MYO3B: variants seen among roughly 807,000 people sequenced by gnomAD.
The protein encoded by MYO3B is myosin-IIIb.
A neutral mutation model predicts 174.6 loss-of-function variants in MYO3B; 156 were observed. That is an observed-to-expected ratio of 0.89 (90% CI 0.78 to 1.02). MYO3B has a LOEUF of 1.02. Among genes scored for constraint, MYO3B ranks in the 50% least tolerant of loss-of-function variants. MYO3B has a pLI of 0.00. For missense variants in MYO3B, 1,632 were observed against 1,639.4 expected (o/e 1.00, Z 0.08); for synonymous variants, 563 against 569.1 (o/e 0.99, Z 0.15).
chr2:170,437,756 T>G (rs1448238872), intron 22 of MYO3B, among the ~76,000 whole-genome samples: 1 of 152,138 alleles, frequency 6.6e-6, no homozygotes, highest in Non-Finnish European at 1.5e-5. Context: ...ATATTTTTCC[T>G]CCCCTGAAGG....
intron 25 of MYO3B, among the ~76,000 whole-genome samples, chr2:170,485,690 T>G (rs1328003300): frequency 1.3e-5 from 2 of 152,174 alleles, no homozygotes; most frequent in African/African-American, 4.8e-5. Flanking sequence ...TCCTAAATAT[T>G]AAACATGTGT....
At chr2:170,627,536 C>T (rs1294490214) in intron 32 of MYO3B, among the ~76,000 whole-genome samples, 2 of 152,182 alleles carry the variant, frequency 1.3e-5, no homozygotes, top group South Asian at 2.1e-4. Context: ...CATCTGAAGC[C>T]TTCTTCTCTC....
chr2:170,460,185 A>G (rs13002364), intron 23 of MYO3B, among the ~76,000 whole-genome samples: 11,967 of 152,018 alleles, frequency 0.079, 565 homozygotes, highest in Non-Finnish European at 0.1. Context: ...GCATGTTGTC[A>G]CCTCTCAATA....
intron 22 of MYO3B, among the ~76,000 whole-genome samples, chr2:170,423,584 G>GTTT (rs2094635962): frequency 1.3e-5 from 1 of 79,748 alleles, no homozygotes; most frequent in African/African-American, 4.1e-5. Flanking sequence ...TTCAGCAAAA[G>GTTT]CTTTTTTTTT....
chr2:170,505,019 A>C (rs1349231578), intron 28 of MYO3B, among the ~76,000 whole-genome samples: 2 of 152,164 alleles, frequency 1.3e-5, no homozygotes, highest in Non-Finnish European at 2.9e-5. Context: ...TTTCAAATAC[A>C]TGAGCTGGTG....
chr2:170,200,473 T>G (rs979213330), intron 3 of MYO3B, among the ~76,000 whole-genome samples, 189 bp downstream of exon 3: 2 of 152,314 alleles, frequency 1.3e-5, no homozygotes, highest in Admixed American at 6.5e-5. Context: ...CTAAAAATAT[T>G]TTTGTTTCTC....
intron 32 of MYO3B, among the ~76,000 whole-genome samples, chr2:170,626,894 G>A (rs1237688441): frequency 1.3e-5 from 2 of 152,212 alleles, no homozygotes; most frequent in African/African-American, 4.8e-5. Flanking sequence ...CTTCTGGCTT[G>A]TAGAGTTTCT....
At chr2:170,341,588 CTT>C (rs1415065923) in intron 8 of MYO3B, among the ~76,000 whole-genome samples, 1 of 152,120 alleles carries the variant, frequency 6.6e-6, no homozygotes, top group Non-Finnish European at 1.5e-5. Flanking sequence ...ATTAGCATCT[CTT>C]GAGCTACAGG....
chr2:170,468,418 G>A (rs536858905), intron 25 of MYO3B, among the ~76,000 whole-genome samples: 1 of 152,322 alleles, frequency 6.6e-6, no homozygotes, highest in African/African-American at 2.4e-5. Context: ...GAAACCCTGA[G>A]TATACACCTG....
chr2:170,231,178 T>C (rs2093011925), intron 6 of MYO3B, among the ~76,000 whole-genome samples: 2 of 152,214 alleles, frequency 1.3e-5, no homozygotes, highest in South Asian at 4.1e-4. Context: ...AGGGGAGGTG[T>C]TCCCTCTGTG....
intron 25 of MYO3B, among the ~76,000 whole-genome samples, chr2:170,472,673 C>CCATT (rs1553502846): frequency 7.0e-6 from 1 of 142,296 alleles, no homozygotes; most frequent in East Asian, 2.0e-4. Flanking sequence ...CACTTTTTAT[C>CCATT]TATTTATTTA....
chr2:170,375,372 G>A (rs1032229712), intron 9 of MYO3B, among the ~76,000 whole-genome samples: 1 of 152,118 alleles, frequency 6.6e-6, no homozygotes, highest in African/African-American at 2.4e-5. Context: ...GAACTCAACC[G>A]TGAACCTCAG....
chr2:170,591,273 CA>C (rs1693804742), intron 32 of MYO3B, among the ~76,000 whole-genome samples: 1 of 152,184 alleles, frequency 6.6e-6, no homozygotes, highest in South Asian at 2.1e-4. Flanking sequence ...CAGACCTTCA[CA>C]AAGGCTCATC....
At chr2:170,396,725 T>A (rs79640165) in intron 16 of MYO3B, among the ~76,000 whole-genome samples, 4,804 of 152,248 alleles carry the variant, frequency 0.032, 280 homozygotes, top group African/African-American at 0.11. Flanking sequence ...TTCAAGGGTA[T>A]AGTCTTTGAC....
At chr2:170,417,693 C>T (rs62170671) in intron 22 of MYO3B, among the ~76,000 whole-genome samples, 10,407 of 152,178 alleles carry the variant, frequency 0.068, 419 homozygotes, top group Non-Finnish European at 0.094. Context: ...CTGCACCAAC[C>T]CTCTGTCTGC....
At chr2:170,501,361 C>T (rs1249270212) in intron 27 of MYO3B, among the ~76,000 whole-genome samples, 2 of 152,144 alleles carry the variant, frequency 1.3e-5, no homozygotes, top group Non-Finnish European at 2.9e-5. Context: ...ATATTTTTCT[C>T]CCAAATAACA....
intron 8 of MYO3B, among the ~76,000 whole-genome samples, chr2:170,359,979 C>T (rs964752356): frequency 5.9e-5 from 9 of 152,102 alleles, no homozygotes; most frequent in African/African-American, 1.9e-4. Flanking sequence ...TCATCTGATT[C>T]TCTAAATCTT....
chr2:170,529,957 T>G (rs1689253139), intron 30 of MYO3B, among the ~76,000 whole-genome samples: 1 of 152,240 alleles, frequency 6.6e-6, no homozygotes, highest in African/African-American at 2.4e-5. Context: ...TTTTGTGAAT[T>G]AAATAGCAGC....
At chr2:170,436,652 G>T (rs979091161) in intron 22 of MYO3B, among the ~76,000 whole-genome samples, 1 of 152,126 alleles carries the variant, frequency 6.6e-6, no homozygotes, top group Non-Finnish European at 1.5e-5. Context: ...TTTTTATTTT[G>T]CTACAGAATC....
Sources: allele counts gnomAD v4.1 joint callset (sites outside exome capture counted in the v4.1 genomes callset), GRCh38; gene constraint gnomAD v4.1.1; transcripts MANE v1.5; gene names NCBI Gene and HGNC (gene_info 2026-07-23, HGNC 2026-07-21).